Variants in CACNA1E observed in about 807,000 individuals in gnomAD.
The protein encoded by CACNA1E is voltage-dependent R-type calcium channel subunit alpha-1E.
Under a neutral mutation model 259.2 loss-of-function variants are expected in CACNA1E, and 40 were observed. The observed-to-expected ratio is 0.15, with a 90% CI of 0.12 to 0.20. The LOEUF (loss-of-function observed/expected upper bound fraction) is 0.20. Ranked by LOEUF, CACNA1E falls within the 10% of genes least tolerant of loss-of-function variation. The pLI, the probability that CACNA1E is intolerant of heterozygous loss-of-function variation, is 1.00. For missense variants in CACNA1E, 1,874 were observed against 3,040.1 expected (o/e 0.62, Z 9.02); for synonymous variants, 1,104 against 1,138.5 (o/e 0.97, Z 0.61).
chr1:181,378,070 G>A (rs1217733442), intron 1 of CACNA1E, among the ~76,000 whole-genome samples: 1 of 152,196 alleles, frequency 6.6e-6, no homozygotes. Flanking sequence ...AATAGAAATG[G>A]GTAAAAAGGG....
At chr1:181,330,214 C>G (rs1173111235) in intron 1 of CACNA1E, among the ~76,000 whole-genome samples, 1 of 152,114 alleles carries the variant, frequency 6.6e-6, no homozygotes, top group African/African-American at 2.4e-5. Flanking sequence ...GAGGCCCCTT[C>G]CTGAGCTCAC....
chr1:181,542,748 G>A (rs1668690051), intron 3 of CACNA1E, among the ~76,000 whole-genome samples: 3 of 151,700 alleles, frequency 2.0e-5, no homozygotes, highest in Non-Finnish European at 4.4e-5. Flanking sequence ...GTTCTTTATA[G>A]CAGTATGAAA....
intron 6 of CACNA1E, among the ~76,000 whole-genome samples, chr1:181,596,590 G>A (rs1653195221): frequency 7.0e-6 from 1 of 142,316 alleles, no homozygotes; most frequent in African/African-American, 2.6e-5. Flanking sequence ...GTGTGTGTGT[G>A]TGTGTGTACA....
At chr1:181,790,607 C>G in intron 44 of CACNA1E, 51 bp downstream of exon 44, 1 of 1,097,452 alleles carries the variant, frequency 9.1e-7, no homozygotes, top group South Asian at 1.2e-5. Flanking sequence ...GTTTCCTGAT[C>G]CCTCTCACTA....
At chr1:181,784,114 G>C (rs565477578) in intron 40 of CACNA1E, among the ~76,000 whole-genome samples, 1 of 152,270 alleles carries the variant, frequency 6.6e-6, no homozygotes, top group South Asian at 2.1e-4. Context: ...CTGAAGTCTT[G>C]AGAGGCTTCT....
intron 3 of CACNA1E, among the ~76,000 whole-genome samples, chr1:181,539,868 A>G (rs769670552): frequency 6.6e-6 from 1 of 152,218 alleles, no homozygotes; most frequent in Non-Finnish European, 1.5e-5. Context: ...AGTGGTGTAC[A>G]GTGGAGCTGT....
rs914998701 is a variant in CACNA1E at position 181,725,973 on chromosome 1, G to A, written c.2143-92G>A. ...TTCCTGTGTCTTCCTCACTTCACTT[G>A]GTATTCAGAACTCCTCCTTAGGAGA... On this transcript the variant is annotated intron_variant, in intron 17 of 47. Transcript: ENST00000367573. The A allele has an allele frequency of 9.2e-6, 7 of 761,580 alleles. No homozygotes were observed. The African/African-American group carries it at 1.2e-4, about 13-fold the overall frequency. The allele number at this position is 761,580 out of a possible 1,614,324, so 47.2% of individuals were successfully genotyped here.
intron 2 of CACNA1E, among the ~76,000 whole-genome samples, chr1:181,452,896 A>G (rs1661251006): frequency 6.6e-6 from 1 of 152,338 alleles, no homozygotes; most frequent in Middle Eastern, 3.4e-3. Flanking sequence ...ACCTTTTTCT[A>G]GATTCCTGGC....
intron 21 of CACNA1E, among the ~76,000 whole-genome samples, chr1:181,734,692 C>T (rs1204004193): frequency 3.5e-5 from 5 of 142,044 alleles, no homozygotes; most frequent in African/African-American, 1.3e-4. Flanking sequence ...ACCCCATACC[C>T]GATCCCTGCC....
At chr1:181,518,460 C>T (rs1420091769) in intron 3 of CACNA1E, among the ~76,000 whole-genome samples, 1 of 152,154 alleles carries the variant, frequency 6.6e-6, no homozygotes, top group Non-Finnish European at 1.5e-5. Context: ...CATTTCCCCC[C>T]AGATGGGCAA....
intron 7 of CACNA1E, among the ~76,000 whole-genome samples, chr1:181,695,334 A>T (rs1558275635): frequency 2.0e-5 from 3 of 152,228 alleles, no homozygotes; most frequent in Admixed American, 2.0e-4. Context: ...TAAAATCCCC[A>T]TCAAAATTCT....
chr1:181,678,140 C>A (rs1013114281), intron 7 of CACNA1E, among the ~76,000 whole-genome samples: 7 of 152,170 alleles, frequency 4.6e-5, no homozygotes, highest in Non-Finnish European at 7.3e-5. Context: ...CTTCTAGGAA[C>A]TCTGAGTGGC....
Position 181,641,703 on chromosome 1 carries a change from G to GTTTTTTTT in CACNA1E, c.952-9614_952-9607dup, listed in dbSNP as rs751082929. On this transcript the variant is annotated intron_variant, in intron 6 of 47. Coordinates refer to ENST00000367573, the MANE Select transcript of CACNA1E (RefSeq NM_001205293.3). ...GATCATGAGGCAACACTAATTTTTTGTTTTTTTTTTTTTTTTTTTTTTTTT... is the reference window on the plus strand; with the variant it reads ...GATCATGAGGCAACACTAATTTTTTGTTTTTTTTTTTTTTTTTTTTTTTTTTTTTTTTT... 7.6e-4 allele frequency among the ~76,000 whole-genome samples: 62 copies of GTTTTTTTT among 81,112 alleles called. 9 individuals are homozygous for GTTTTTTTT. Among genetic ancestry groups the GTTTTTTTT allele is most frequent in the Non-Finnish European group, 1.2e-3 (48 of 40,412 alleles). The allele number at this position is 81,112 out of a possible 152,430, so 53.2% of individuals were successfully genotyped here.
At chr1:181,541,628 C>T (rs985524635) in intron 3 of CACNA1E, among the ~76,000 whole-genome samples, 2 of 152,206 alleles carry the variant, frequency 1.3e-5, no homozygotes, top group African/African-American at 2.4e-5. Context: ...CAGTGCTTAG[C>T]AGCAGCTGCT....
chr1:181,508,028 C>G (rs1291022638), intron 1 of CACNA1E, among the ~76,000 whole-genome samples: 1 of 152,140 alleles, frequency 6.6e-6, no homozygotes, highest in Non-Finnish European at 1.5e-5. Flanking sequence ...GACAGACCCC[C>G]ACTTTGTGTC....
At chr1:181,575,782 G>A (rs1476652264) in intron 3 of CACNA1E, among the ~76,000 whole-genome samples, 1 of 152,164 alleles carries the variant, frequency 6.6e-6, no homozygotes, top group African/African-American at 2.4e-5. Context: ...TCCCACCTGG[G>A]CAGCACAGGA....
Position 181,733,760 on chromosome 1 carries a change from C to T in CACNA1E, c.3262+10C>T. Reference sequence around the variant, plus strand: ...TCAACCGTGGTGCACAGTGAGAGCACAGTCCCTGTTCCCCTCCACCCCCAA... The same window carrying T: ...TCAACCGTGGTGCACAGTGAGAGCATAGTCCCTGTTCCCCTCCACCCCCAA... On this transcript the variant is annotated intron_variant, in intron 21 of 47. Coordinates refer to ENST00000367573, the MANE Select transcript of CACNA1E (RefSeq NM_001205293.3). 6.6e-7 allele frequency: 1 copy of T among 1,517,228 alleles called. No individual in the cohort carries two copies. The highest frequency in any genetic ancestry group is 8.9e-7 in the Non-Finnish European group (1 of 1,129,130). 94.0% of individuals were successfully genotyped at this position (1,517,228 alleles called of 1,614,324 possible).
chr1:181,504,220 G>A (rs1479126358), intron 1 of CACNA1E, among the ~76,000 whole-genome samples: 1 of 152,160 alleles, frequency 6.6e-6, no homozygotes, highest in Non-Finnish European at 1.5e-5. Context: ...GGGGTGAGGG[G>A]TGGAAATGGG....
At position 181,473,324 on chromosome 1, in the gene CACNA1E, G is replaced by A. The variant is rs530801517; in HGVS notation, c.435-10420G>A. Among the ~76,000 whole-genome samples the A allele has an allele frequency of 2.0e-5, 3 of 152,196 alleles. No homozygotes were observed. In the South Asian group the frequency reaches 6.2e-4, roughly 32 times the overall value. ...GCCATTCATTGAAAAACAAGTAAAT[G>A]GTGTAAAACCATGCTAATTATGCAT... On this transcript the variant is annotated intron_variant, in intron 2 of 11. Transcript: ENST00000524607.
Sources: allele counts gnomAD v4.1 joint callset (sites outside exome capture counted in the v4.1 genomes callset), GRCh38; gene constraint gnomAD v4.1.1; transcripts MANE v1.5; gene names NCBI Gene and HGNC (gene_info 2026-07-23, HGNC 2026-07-21).